The following CHL1 variants were observed in gnomAD, a reference collection of about 807,000 sequenced individuals.
CHL1 encodes the protein neural cell adhesion molecule L1-like protein.
A neutral mutation model predicts 141.9 loss-of-function variants in CHL1; 96 were observed. The observed-to-expected ratio is 0.68, with a 90% CI of 0.57 to 0.80. The LOEUF is 0.80. Among genes scored for constraint, CHL1 ranks in the 30% least tolerant of loss-of-function variants. The pLI is 0.00. For synonymous variants in CHL1, 613 were observed against 502.2 expected, an observed-to-expected ratio of 1.22 and a Z score of -2.95; for missense variants, 1,820 against 1,457.2, an observed-to-expected ratio of 1.25 and a Z score of -4.05.
chr3:346,424 A>C (rs1052175757), intron 9 of CHL1, among the ~76,000 whole-genome samples: 1 of 152,236 alleles, frequency 6.6e-6, no homozygotes, highest in African/African-American at 2.4e-5. Flanking sequence ...ACATTCTTGC[A>C]GAGTTCATCA....
At chr3:318,423 C>G (rs1700302598) in intron 2 of CHL1, among the ~76,000 whole-genome samples, 1 of 151,574 alleles carries the variant, frequency 6.6e-6, no homozygotes, top group Admixed American at 6.6e-5. Flanking sequence ...AAATTACATA[C>G]CTGAAAGACT....
intron 1 of CHL1, chr3:197,630 C>CT (rs1559254178): frequency 5.8e-6 from 2 of 346,260 alleles, no homozygotes; most frequent in Non-Finnish European, 1.1e-5. Flanking sequence ...GATCCCAGCC[C>CT]GGGGGGGGTT....
intron 19 of CHL1, among the ~76,000 whole-genome samples, chr3:388,417 C>T (rs553401971): frequency 2.6e-5 from 4 of 152,060 alleles, no homozygotes; most frequent in African/African-American, 9.6e-5. Flanking sequence ...CGTGGTGGTG[C>T]ATGCCTGTAA....
Position 405,852 on chromosome 3 carries a change from G to A in CHL1, c.*141G>A. ...GAAGTCAACATCCTGCAATTATGTT[G>A]AAAAGAGTAGTACTTTCTTCAAAAT... On this transcript the variant is annotated 3_prime_UTR_variant, in exon 28 of 28. Transcript: ENST00000256509. 1.6e-6 allele frequency: 1 copy of A among 623,454 alleles called. No individual in the cohort carries two copies. Among genetic ancestry groups the A allele is most frequent in the Non-Finnish European group, 2.8e-6 (1 of 356,328 alleles). The allele number at this position is 623,454 out of a possible 1,614,324, so 38.6% of individuals were successfully genotyped here. A position where few individuals can be genotyped will look rare whatever the true frequency, so the allele number is the denominator to read the frequency against.
chr3:328,258 G>A lies in CHL1; in HGVS notation c.289G>A (p.Glu97Lys), dbSNP rs746727748. The change falls in exon 5 of 28, where the codon GAG becomes AAG. Residue 97 changes from glutamate (E) to lysine (K), a missense_variant. Physicochemically the swap from Glu to Lys is moderately conservative, Grantham distance 56 (BLOSUM62 1). Transcript: ENST00000256509. ...NNSGTFRIPN[E>K]GHISHFQGKY... ...TTCAGGAACATTCAGGATCCCAAAC[G>A]AGGGGCACATATCTCACTTTCAAGG... is the stretch of plus-strand genomic sequence containing the variant. The A allele has an allele frequency of 1.2e-6, 2 of 1,612,764 alleles. No homozygotes were observed. The highest frequency in any genetic ancestry group is 1.7e-6 in the Non-Finnish European group (2 of 1,179,132).
At chr3:366,417 G>T (rs534351115) in intron 15 of CHL1, among the ~76,000 whole-genome samples, 49 of 151,026 alleles carry the variant, frequency 3.2e-4, no homozygotes, top group Non-Finnish European at 5.0e-4. Context: ...GTTGTGGTGA[G>T]CTGAGATCAC....
chr3:300,129 A>C (rs1698592577), intron 2 of CHL1, among the ~76,000 whole-genome samples: 1 of 152,226 alleles, frequency 6.6e-6, no homozygotes, highest in Non-Finnish European at 1.5e-5. Flanking sequence ...AATAAGAAGA[A>C]TCTGGAGTGG....
At chr3:205,622 T>C (rs1165061027) in intron 1 of CHL1, among the ~76,000 whole-genome samples, 1 of 152,040 alleles carries the variant, frequency 6.6e-6, no homozygotes, top group East Asian at 1.9e-4. Flanking sequence ...ATAATACATG[T>C]TCTTATGTTT....
At chr3:261,454 G>A (rs1694711944) in intron 2 of CHL1, among the ~76,000 whole-genome samples, 1 of 152,066 alleles carries the variant, frequency 6.6e-6, no homozygotes, top group Non-Finnish European at 1.5e-5. Context: ...AATAAGGCCA[G>A]TTGCTACTTA....
intron 1 of CHL1, among the ~76,000 whole-genome samples, chr3:200,982 A>G (rs1432465581): frequency 2.0e-5 from 3 of 152,220 alleles, no homozygotes; most frequent in Non-Finnish European, 4.4e-5. Context: ...TCTCATTAGC[A>G]CCACGTAGAG....
At chr3:222,650 T>G (rs1700952332) in intron 1 of CHL1, among the ~76,000 whole-genome samples, 1 of 152,206 alleles carries the variant, frequency 6.6e-6, no homozygotes, top group African/African-American at 2.4e-5. Context: ...CAGGCACTAT[T>G]TTGTAGAAAG....
chr3:245,395 G>A (rs986964012), intron 2 of CHL1, among the ~76,000 whole-genome samples: 1 of 152,146 alleles, frequency 6.6e-6, no homozygotes, highest in Non-Finnish European at 1.5e-5. Flanking sequence ...GCCTACAGGT[G>A]CAGCCTAAAT....
intron 1 of CHL1, among the ~76,000 whole-genome samples, chr3:218,021 T>C (rs1045477444): frequency 1.3e-5 from 2 of 152,184 alleles, no homozygotes; most frequent in Non-Finnish European, 2.9e-5. Flanking sequence ...TAAGATGATA[T>C]GGGTGCTTTG....
chr3:355,785 C>A lies in CHL1; in HGVS notation c.1165+1014C>A, dbSNP rs141611012. Among the ~76,000 whole-genome samples the A allele has an allele frequency of 2.8e-3, 430 of 152,178 alleles. 1 individual carries two copies. The highest frequency in any genetic ancestry group is 3.6e-3 in the Non-Finnish European group (244 of 68,034). ...TGTGCTTGAATGAAAAAAAATGTGG[C>A]CAGCTGCCTAGGGCAGTGATTCATC... On this transcript the variant is annotated intron_variant, in intron 11 of 27. Transcript: ENST00000256509.
chr3:209,398 A>G (rs1411783825), intron 1 of CHL1, among the ~76,000 whole-genome samples: 1 of 152,210 alleles, frequency 6.6e-6, no homozygotes, highest in African/African-American at 2.4e-5. Flanking sequence ...AAATGACTAT[A>G]TGGGTGATCT....
chr3:266,228 T>C (rs541367821), intron 2 of CHL1, among the ~76,000 whole-genome samples: 2 of 152,306 alleles, frequency 1.3e-5, no homozygotes, highest in Admixed American at 6.5e-5. Flanking sequence ...CTTAAGCCTC[T>C]GTTCCTAAAG....
chr3:321,578 T>A (rs1700570453), intron 3 of CHL1, among the ~76,000 whole-genome samples: 1 of 152,092 alleles, frequency 6.6e-6, no homozygotes, highest in African/African-American at 2.4e-5. Context: ...TTTTTGACCA[T>A]AATCTCTGGC....
chr3:403,073 A>G (rs1368010531), intron 27 of CHL1, among the ~76,000 whole-genome samples: 1 of 152,184 alleles, frequency 6.6e-6, no homozygotes, highest in Admixed American at 6.5e-5. Flanking sequence ...CAAAGCACAA[A>G]TCATTCCTAG....
chr3:278,752 A>C (rs1354668439), intron 2 of CHL1, among the ~76,000 whole-genome samples: 2 of 152,228 alleles, frequency 1.3e-5, no homozygotes, highest in Non-Finnish European at 2.9e-5. Context: ...AAGTACACAC[A>C]CTGCTATTCA....
Sources: gnomAD v4.1 joint callset for allele counts (sites outside exome capture counted in the v4.1 genomes callset) on GRCh38, gnomAD v4.1.1 for gene constraint, MANE v1.5 for transcripts, NCBI Gene and HGNC (gene_info 2026-07-23, HGNC 2026-07-21) for gene names.